LMNTD1: variants seen among roughly 807,000 people sequenced by gnomAD.
The protein encoded by LMNTD1 is lamin tail domain-containing protein 1.
LMNTD1 carries 35 observed loss-of-function variants against 50.9 expected under a neutral mutation model. The observed-to-expected ratio is 0.69, with a 90% CI of 0.53 to 0.91. LMNTD1 has a LOEUF of 0.91. Ranked by LOEUF, LMNTD1 falls within the 40% of genes least tolerant of loss-of-function variation. LMNTD1 has a pLI of 0.00. For synonymous variants in LMNTD1, 153 were observed against 161.9 expected, an observed-to-expected ratio of 0.94 and a Z score of 0.42; for missense variants, 470 against 475.5, an observed-to-expected ratio of 0.99 and a Z score of 0.11.
At chr12:25,541,920 C>T (rs1943108926) in intron 4 of LMNTD1, among the ~76,000 whole-genome samples, 1 of 151,874 alleles carries the variant, frequency 6.6e-6, no homozygotes, top group Non-Finnish European at 1.5e-5. Context: ...AGGACATGAA[C>T]AGACACTTCT....
intron 1 of LMNTD1, among the ~76,000 whole-genome samples, chr12:25,623,865 G>C (rs1850113173): frequency 6.6e-6 from 1 of 152,146 alleles, no homozygotes; most frequent in South Asian, 2.1e-4. Context: ...CTGCATTCCA[G>C]GGTCTAGCCA....
At chr12:25,477,183 T>A (rs905287524) in intron 9 of LMNTD1, among the ~76,000 whole-genome samples, 3 of 152,216 alleles carry the variant, frequency 2.0e-5, no homozygotes, top group African/African-American at 7.2e-5. Context: ...TATTATTATT[T>A]TTTAAAAGAA....
chr12:25,584,245 A>G (rs1286891022), intron 1 of LMNTD1, among the ~76,000 whole-genome samples: 1 of 152,212 alleles, frequency 6.6e-6, no homozygotes, highest in Non-Finnish European at 1.5e-5. Flanking sequence ...CAATATATTT[A>G]TGATTTTTCT....
intron 1 of LMNTD1, among the ~76,000 whole-genome samples, chr12:25,564,402 G>T (rs979231109): frequency 3.3e-5 from 5 of 152,054 alleles, no homozygotes; most frequent in African/African-American, 1.2e-4. Flanking sequence ...GGGATTACAG[G>T]TGCCCACCAC....
chr12:25,596,751 T>C (rs954918489), intron 1 of LMNTD1, among the ~76,000 whole-genome samples: 2 of 151,994 alleles, frequency 1.3e-5, no homozygotes, highest in African/African-American at 4.8e-5. Flanking sequence ...ATAGCAAATA[T>C]ACAGAAAAAC....
rs189196660 is a variant in LMNTD1, at chr12:25,580,216, T to G, written c.59-33662A>C. ...TTCAGATCATGCATCATCTCTATTT[T>G]GTAGTTTTTCATGACCCCCTCTGGC... On this transcript the variant is annotated intron_variant, in intron 1 of 7. Coordinates refer to the LMNTD1 transcript ENST00000445693. 3.5e-3 allele frequency among the ~76,000 whole-genome samples: 539 copies of G among 152,288 alleles called. 2 individuals carry two copies. The highest frequency in any genetic ancestry group is 0.012 in the African/African-American group (515 of 41,552).
At position 25,552,977 on chromosome 12, in the gene LMNTD1, T is replaced by C. The variant is rs1403605822; in HGVS notation, c.-18A>G. 1 of 1,604,928 alleles carries C rather than the reference T, an allele frequency of 6.2e-7. No homozygotes were observed. Among genetic ancestry groups the C allele is most frequent in the South Asian group, 1.1e-5 (1 of 90,028 alleles). ...TCTTTCATCTTGGCTAGAAAAGAAG[T>C]CTCTTTTCTTTCCTAGGAAAGCAGA... On this transcript the variant is annotated 5_prime_UTR_variant, in exon 2 of 10. Transcript: ENST00000458174.
intron 4 of LMNTD1, among the ~76,000 whole-genome samples, chr12:25,538,514 AG>A (rs1225146549): frequency 1.4e-5 from 2 of 141,534 alleles, no homozygotes; most frequent in Admixed American, 7.3e-5. Flanking sequence ...TTTATAGACA[AG>A]CAAATGCTGA....
chr12:25,562,129 C>T (rs1944356706), intron 1 of LMNTD1, among the ~76,000 whole-genome samples: 1 of 152,100 alleles, frequency 6.6e-6, no homozygotes, highest in Non-Finnish European at 1.5e-5. Context: ...ACATTTAGCC[C>T]ATTTACATTT....
At chr12:25,563,750 C>T (rs1944434379) in intron 1 of LMNTD1, among the ~76,000 whole-genome samples, 1 of 152,226 alleles carries the variant, frequency 6.6e-6, no homozygotes, top group Admixed American at 6.5e-5. Flanking sequence ...GGGGTGTACT[C>T]TACAGAGGCA....
intron 1 of LMNTD1, among the ~76,000 whole-genome samples, chr12:25,593,110 C>T (rs918556082): frequency 1.3e-5 from 2 of 151,010 alleles, no homozygotes; most frequent in African/African-American, 2.4e-5. Context: ...CTCACCCTGC[C>T]CCCACCTAAT....
chr12:25,546,421 T>C lies in LMNTD1; in HGVS notation c.444A>G (p.Leu148=). 2 of 1,595,110 alleles carry C rather than the reference T, an allele frequency of 1.3e-6. No homozygotes were observed. Among genetic ancestry groups the C allele is most frequent in the Non-Finnish European group, 1.7e-6 (2 of 1,170,334 alleles). ...CTTCAAGAATCATAGAAAAGTATTT[T>C]AAAGTTTTCTGAGTGTAGTTTGAGT... ...TAHSNYTQKT[L]KYFSMILEEV... is the part of the protein sequence containing the mutation. The change falls in exon 4 of 10, where the codon TTA becomes TTG. Residue 148 remains leucine, a synonymous_variant. Transcript: ENST00000458174.
At chr12:25,530,322 G>A (rs1942133093) in intron 4 of LMNTD1, among the ~76,000 whole-genome samples, 1 of 152,064 alleles carries the variant, frequency 6.6e-6, no homozygotes, top group Non-Finnish European at 1.5e-5. Flanking sequence ...TTTTTACTGT[G>A]ATAAAATTTA....
intron 1 of LMNTD1, among the ~76,000 whole-genome samples, chr12:25,610,484 C>T (rs2136535408): frequency 6.6e-6 from 1 of 152,180 alleles, no homozygotes; most frequent in South Asian, 2.1e-4. Context: ...GGACCCCGCA[C>T]CTTCATTTAG....
intron 4 of LMNTD1, among the ~76,000 whole-genome samples, chr12:25,543,217 C>G (rs1041632839): frequency 6.6e-6 from 1 of 151,960 alleles, no homozygotes; most frequent in Non-Finnish European, 1.5e-5. Flanking sequence ...TACTTCTACA[C>G]AATCTCTTCT....
intron 9 of LMNTD1, among the ~76,000 whole-genome samples, chr12:25,488,749 C>CCAT (rs1565937071): frequency 6.6e-6 from 1 of 152,226 alleles, no homozygotes; most frequent in Admixed American, 6.5e-5. Context: ...CTGATTTTCC[C>CCAT]CATCTTTGTG....
intron 1 of LMNTD1, among the ~76,000 whole-genome samples, chr12:25,607,249 G>C (rs1181966517): frequency 6.6e-6 from 1 of 152,104 alleles, no homozygotes; most frequent in East Asian, 1.9e-4. Flanking sequence ...CTTGCTAGCA[G>C]TCTATCAACT....
chr12:25,487,642 T>G (rs1398677182), intron 9 of LMNTD1, among the ~76,000 whole-genome samples: 14 of 128,846 alleles, frequency 1.1e-4, no homozygotes, highest in Non-Finnish European at 1.9e-4. Flanking sequence ...ACATTTAAAG[T>G]TAATATTGTT....
At chr12:25,518,710 C>T (rs1940986357) in intron 8 of LMNTD1, 85 bp downstream of exon 8, 12 of 1,200,838 alleles carry the variant, frequency 1.0e-5, no homozygotes, top group Admixed American at 2.0e-5. Flanking sequence ...ACACTTAGCA[C>T]ATTTTAACCA....
Sources: gnomAD v4.1 joint callset for allele counts (sites outside exome capture counted in the v4.1 genomes callset) on GRCh38, gnomAD v4.1.1 for gene constraint, MANE v1.5 for transcripts, NCBI Gene and HGNC (gene_info 2026-07-23, HGNC 2026-07-21) for gene names.